The following EYA1 variants were observed in gnomAD, a reference collection of about 807,000 sequenced individuals.
EYA1 encodes EYA transcriptional coactivator and phosphatase 1, also known as protein phosphatase EYA1.
In EYA1, 16 loss-of-function variants were observed where a neutral mutation model predicts 82.0. The ratio of observed to expected loss-of-function variants is 0.20; its 90% CI spans 0.13 to 0.30. The LOEUF is 0.30. EYA1 is among the 10% of genes least tolerant of loss of function. EYA1 has a pLI of 1.00. For missense variants in EYA1, 633 were observed against 730.7 expected (o/e 0.87, Z 1.54); for synonymous variants, 261 against 264.4 (o/e 0.99, Z 0.12).
At position 71,354,813 on chromosome 8, in the gene EYA1, A is replaced by G; in HGVS notation, c.93T>C (p.Asn31=). 1.2e-6 allele frequency: 2 copies of G among 1,613,634 alleles called. No homozygotes were observed. Residue 31 remains asparagine, a synonymous_variant, in exon 3 of 18, where the codon AAT becomes AAC. Coordinates refer to ENST00000340726, the MANE Select transcript of EYA1 (RefSeq NM_000503.6). The part of the protein sequence containing the change: ...SGPKLGNSHI[N]SNSMTPNGTE... Reference sequence around the variant, plus strand: ...TGCCATTGGGAGTCATGGAATTACTATTTATATGAGAGTTACCGAGTTTGG... The same window carrying G: ...TGCCATTGGGAGTCATGGAATTACTGTTTATATGAGAGTTACCGAGTTTGG...
intron 11 of EYA1, among the ~76,000 whole-genome samples, chr8:71,256,101 C>T (rs1270486295): frequency 6.6e-6 from 1 of 152,084 alleles, no homozygotes; most frequent in Non-Finnish European, 1.5e-5. Context: ...TCCCTGTGCA[C>T]AGCTGGTGGG....
At chr8:71,440,182 T>C (rs1162514966) in intron 2 of EYA1, among the ~76,000 whole-genome samples, 2 of 152,132 alleles carry the variant, frequency 1.3e-5, no homozygotes, top group Non-Finnish European at 2.9e-5. Context: ...TCGCTCTGGC[T>C]GGAGTCAGAA....
At chr8:71,262,926 T>C (rs111979838) in intron 11 of EYA1, among the ~76,000 whole-genome samples, 3,029 of 152,322 alleles carry the variant, frequency 0.02, 86 homozygotes, top group African/African-American at 0.065. Context: ...TTTTATCTAA[T>C]TTGGCATTGA....
intron 2 of EYA1, among the ~76,000 whole-genome samples, chr8:71,418,225 T>C (rs1830957166): frequency 6.6e-6 from 1 of 152,236 alleles, no homozygotes; most frequent in Admixed American, 6.5e-5. Context: ...TTGTATCCCC[T>C]GGATATGATG....
chr8:71,235,267 C>T (rs1360138683), intron 12 of EYA1, among the ~76,000 whole-genome samples: 2 of 143,910 alleles, frequency 1.4e-5, no homozygotes, highest in East Asian at 3.9e-4. Context: ...AATGGCTTCG[C>T]ACTGCAATTA....
At chr8:71,321,636 T>C (rs371271378) in intron 6 of EYA1, 98 bp downstream of exon 6, 11 of 1,462,444 alleles carry the variant, frequency 7.5e-6, no homozygotes, top group African/African-American at 2.8e-5. Context: ...CAACACGTTC[T>C]AAATTGGCCA....
intron 2 of EYA1, among the ~76,000 whole-genome samples, chr8:71,463,967 T>C (rs1208329828): frequency 6.6e-6 from 1 of 152,298 alleles, no homozygotes; most frequent in East Asian, 1.9e-4. Flanking sequence ...GTAAGGACTA[T>C]GTAAACTGGG....
intron 2 of EYA1, among the ~76,000 whole-genome samples, chr8:71,412,920 G>A (rs1830682782): frequency 2.0e-5 from 3 of 152,140 alleles, no homozygotes; most frequent in South Asian, 2.1e-4. Flanking sequence ...AAAGTATGGT[G>A]GGAATACCTT....
chr8:71,273,547 A>T (rs1482130532), intron 9 of EYA1, among the ~76,000 whole-genome samples: 1 of 152,232 alleles, frequency 6.6e-6, no homozygotes, highest in Non-Finnish European at 1.5e-5. Context: ...TAGAATTTTA[A>T]GTAGTCAAGT....
At chr8:71,382,039 T>A (rs1370207742) in intron 2 of EYA1, among the ~76,000 whole-genome samples, 1 of 152,206 alleles carries the variant, frequency 6.6e-6, no homozygotes, top group Non-Finnish European at 1.5e-5. Flanking sequence ...ACCATCCTTA[T>A]TTTTACTAAT....
At position 71,334,274 on chromosome 8, in the gene EYA1, T is replaced by G. The variant is rs762297311; in HGVS notation, c.125-100A>C. 25 of 971,370 alleles carry G rather than the reference T, an allele frequency of 2.6e-5. No homozygotes were observed. The African/African-American group carries it at 3.9e-4, about 15-fold the overall frequency. 60.2% of individuals were successfully genotyped at this position (971,370 alleles called of 1,614,324 possible). A position where few individuals can be genotyped will look rare whatever the true frequency, so the allele number is the denominator to read the frequency against. On this transcript the variant is annotated intron_variant, in intron 3 of 17. Transcript: ENST00000340726. ...TTCAGAGTAATGACAAGAAAATCAT[T>G]TCAAAAAACATTTTCCCTAACTGAA...
At chr8:71,524,902 G>A (rs935119973) in intron 2 of EYA1, among the ~76,000 whole-genome samples, 8 of 152,150 alleles carry the variant, frequency 5.3e-5, no homozygotes, top group Non-Finnish European at 1.0e-4. Context: ...TGTTAAGGAG[G>A]ACACAGGAAG....
At chr8:71,294,639 A>G (rs1452921151) in intron 9 of EYA1, among the ~76,000 whole-genome samples, 1 of 152,224 alleles carries the variant, frequency 6.6e-6, no homozygotes, top group Non-Finnish European at 1.5e-5. Context: ...GATAGATTCA[A>G]TATTGTCAAG....
At chr8:71,515,084 AC>A (rs1489613125) in intron 2 of EYA1, among the ~76,000 whole-genome samples, 1 of 152,146 alleles carries the variant, frequency 6.6e-6, no homozygotes, top group African/African-American at 2.4e-5. Context: ...AATGAGTTAC[AC>A]ATTTTTAGTG....
chr8:71,337,971 A>G (rs1258586588), intron 3 of EYA1, among the ~76,000 whole-genome samples: 3 of 152,216 alleles, frequency 2.0e-5, no homozygotes, highest in Non-Finnish European at 4.4e-5. Context: ...AGGTGAGAAT[A>G]AAAAAAGATA....
upstream of EYA1, among the ~76,000 whole-genome samples, chr8:71,364,207 A>G (rs543678441): frequency 4.5e-4 from 68 of 152,092 alleles, no homozygotes; most frequent in African/African-American, 1.5e-3. Context: ...GAGCTTAGTC[A>G]CTGACTAAAA....
chr8:71,237,975 A>C (rs1283642032), intron 12 of EYA1, among the ~76,000 whole-genome samples: 2 of 152,114 alleles, frequency 1.3e-5, no homozygotes, highest in Non-Finnish European at 2.9e-5. Flanking sequence ...TCTTGCCTTT[A>C]TCTCTGATTA....
chr8:71,290,706 C>T (rs1818902091), intron 9 of EYA1, among the ~76,000 whole-genome samples: 1 of 152,036 alleles, frequency 6.6e-6, no homozygotes, highest in Non-Finnish European at 1.5e-5. Context: ...GGTAACAAAA[C>T]TCATTTTCAT....
At chr8:71,505,274 A>G (rs1406433571) in intron 2 of EYA1, among the ~76,000 whole-genome samples, 2 of 152,214 alleles carry the variant, frequency 1.3e-5, no homozygotes, top group African/African-American at 4.8e-5. Flanking sequence ...GAACCAGGCC[A>G]AGTTCACTAG....
Sources: gnomAD v4.1 joint callset for allele counts (sites outside exome capture counted in the v4.1 genomes callset) on GRCh38, gnomAD v4.1.1 for gene constraint, MANE v1.5 for transcripts, NCBI Gene and HGNC (gene_info 2026-07-23, HGNC 2026-07-21) for gene names.